The following GPR180 variants were observed in gnomAD, a reference collection of about 807,000 sequenced individuals.
GPR180 encodes the protein G protein-coupled receptor 180.
GPR180 carries 53 observed loss-of-function variants against 52.6 expected under a neutral mutation model. The ratio of observed to expected loss-of-function variants is 1.01; its 90% CI spans 0.81 to 1.27. GPR180 has a LOEUF of 1.27. Among genes scored for constraint, GPR180 ranks in the 50% most tolerant of loss-of-function variants. GPR180 has a pLI of 0.00. For missense variants in GPR180, 533 were observed against 527.0 expected (o/e 1.01, Z -0.11); for synonymous variants, 200 against 193.1 (o/e 1.04, Z -0.30).
chr13:94,612,085 A>G, intron 2 of GPR180, 105 bp from the exon 3 acceptor site: 2 of 834,404 alleles, frequency 2.4e-6, no homozygotes, highest in Non-Finnish European at 3.9e-6. Context: ...TTTCTGAGAC[A>G]ATAAAAATTA....
chr13:94,625,338 A>G (rs573068792), intron 7 of GPR180, among the ~76,000 whole-genome samples: 1 of 152,342 alleles, frequency 6.6e-6, no homozygotes, highest in East Asian at 1.9e-4. Context: ...GTAACATACT[A>G]AACATTTTTC....
chr13:94,630,842 A>C lies in GPR180; in HGVS notation c.*3671A>C, dbSNP rs1889985783. The C allele has an allele frequency of 1.3e-5, 2 of 152,242 alleles. No homozygotes were observed. Among genetic ancestry groups the C allele is most frequent in the Non-Finnish European group, 2.9e-5 (2 of 68,060 alleles). 9.4% of individuals were successfully genotyped at this position (152,242 alleles called of 1,614,324 possible). A position where few individuals can be genotyped will look rare whatever the true frequency, so the allele number is the denominator to read the frequency against. On this transcript the variant is annotated 3_prime_UTR_variant, in exon 9 of 9. Transcript: ENST00000376958. Reference sequence around the variant, plus strand: ...ATATGGTGCAGTTTAGTCAACCTGGAGATAGGTTCTGCAGAATTCTCTTCC... The same window carrying C: ...ATATGGTGCAGTTTAGTCAACCTGGCGATAGGTTCTGCAGAATTCTCTTCC...
At position 94,628,802 on chromosome 13, in the gene GPR180, C is replaced by T. The variant is rs1006207958; in HGVS notation, c.*1631C>T. 2.0e-5 allele frequency: 3 copies of T among 152,018 alleles called. No homozygotes were observed. The highest frequency in any genetic ancestry group is 7.2e-5 in the African/African-American group (3 of 41,500). The allele number at this position is 152,018 out of a possible 1,614,324, so 9.4% of individuals were successfully genotyped here. On this transcript the variant is annotated 3_prime_UTR_variant, in exon 9 of 9. Coordinates refer to ENST00000376958, the MANE Select transcript of GPR180 (RefSeq NM_180989.6). ...CATAACCTTTTCTTTTATCATGTCT[C>T]GCTAATAACCCCAGCTATTGTCTGT...
chr13:94,612,559 T>TAAGG (rs1420430126), intron 3 of GPR180, among the ~76,000 whole-genome samples, 169 bp downstream of exon 3: 1 of 152,240 alleles, frequency 6.6e-6, no homozygotes, highest in Non-Finnish European at 1.5e-5. Context: ...TATTAATTTT[T>TAAGG]AAAAGCAGAG....
At position 94,626,920 on chromosome 13, in the gene GPR180, T is replaced by G. The variant is rs1889935858; in HGVS notation, c.1165-93T>G. 8 of 951,338 alleles carry G rather than the reference T, an allele frequency of 8.4e-6. No homozygotes were observed. In the East Asian group the frequency reaches 2.0e-4, roughly 24 times the overall value. The allele number at this position is 951,338 out of a possible 1,614,324, so 58.9% of individuals were successfully genotyped here. On this transcript the variant is annotated intron_variant, in intron 8 of 8. Transcript: ENST00000376958. ...AAAGATGAAAGATAGAGTATTGTAT[T>G]TATATAAAAAGCATATATAGATTCA...
At chr13:94,623,671 CCTT>C (rs963047819) in intron 7 of GPR180, among the ~76,000 whole-genome samples, 3 of 150,562 alleles carry the variant, frequency 2.0e-5, no homozygotes, top group African/African-American at 7.3e-5. Context: ...CAGGGCGAGA[CCTT>C]CTTTTTTTCA....
chr13:94,614,898 G>T (rs1889758028), intron 3 of GPR180, among the ~76,000 whole-genome samples: 1 of 152,208 alleles, frequency 6.6e-6, no homozygotes, highest in African/African-American at 2.4e-5. Context: ...AGTGCCAGAA[G>T]TATCCAAAAG....
At chr13:94,608,259 G>A (rs548387988) in intron 2 of GPR180, among the ~76,000 whole-genome samples, 2 of 152,118 alleles carry the variant, frequency 1.3e-5, no homozygotes, top group African/African-American at 2.4e-5. Context: ...AGTTGGACTA[G>A]GTGTCCCTAA....
Position 94,623,002 on chromosome 13 carries a change from G to A in GPR180, c.895-107G>A, listed in dbSNP as rs1233791901. On this transcript the variant is annotated intron_variant, in intron 6 of 8. Transcript: ENST00000376958. ...AATTAACAACCTCTATGGTCTGATA[G>A]GAATGTTTATATAACATTTAAAGGG... 9 of 748,590 alleles carry A rather than the reference G, an allele frequency of 1.2e-5. No individual in the cohort carries two copies. The East Asian group carries it at 1.6e-4, about 13-fold the overall frequency. 46.4% of individuals were successfully genotyped at this position (748,590 alleles called of 1,614,324 possible).
chr13:94,612,770 C>T (rs540790335), intron 3 of GPR180, among the ~76,000 whole-genome samples: 11 of 152,222 alleles, frequency 7.2e-5, no homozygotes, highest in African/African-American at 2.6e-4. Context: ...GATAACCTTG[C>T]ATTATTTTTA....
At chr13:94,611,973 G>C (rs558507517) in intron 2 of GPR180, among the ~76,000 whole-genome samples, 1 of 151,372 alleles carries the variant, frequency 6.6e-6, no homozygotes, top group East Asian at 1.9e-4. Flanking sequence ...GTGATTCCTT[G>C]GTTAAAAACA....
At chr13:94,615,775 C>G (rs1233424860) in intron 3 of GPR180, among the ~76,000 whole-genome samples, 1 of 152,222 alleles carries the variant, frequency 6.6e-6, no homozygotes, top group Non-Finnish European at 1.5e-5. Flanking sequence ...CATCTGCCAT[C>G]TCACTGTTTT....
At chr13:94,624,833 C>T (rs1343283841) in intron 7 of GPR180, among the ~76,000 whole-genome samples, 3 of 151,992 alleles carry the variant, frequency 2.0e-5, no homozygotes, top group Non-Finnish European at 2.9e-5. Flanking sequence ...TGAGCCACCG[C>T]ACCCAGCCTT....
intron 5 of GPR180, 57 bp downstream of exon 5, chr13:94,619,574 T>A (rs1889826523): frequency 7.2e-7 from 1 of 1,380,588 alleles, no homozygotes; most frequent in Non-Finnish European, 1.0e-6. Flanking sequence ...TCTGCTTTTT[T>A]TTTATTTCTT....
rs2138571474 is a variant in GPR180 at position 94,626,913 on chromosome 13, A to G, written c.1165-100A>G. ...CTATGGTAAAGATGAAAGATAGAGT[A>G]TTGTATTTATATAAAAAGCATATAT... On this transcript the variant is annotated intron_variant, in intron 8 of 8. Coordinates refer to ENST00000376958, the MANE Select transcript of GPR180 (RefSeq NM_180989.6). 3 of 878,002 alleles carry G rather than the reference A, an allele frequency of 3.4e-6. No individual in the cohort carries two copies. The South Asian group carries it at 7.5e-5, about 22-fold the overall frequency. The allele number at this position is 878,002 out of a possible 1,614,324, so 54.4% of individuals were successfully genotyped here.
At position 94,626,042 on chromosome 13, in the gene GPR180, A is replaced by G. The variant is rs1889924892; in HGVS notation, c.1163A>G (p.Lys388Arg). The G allele has an allele frequency of 1.2e-6, 2 of 1,603,220 alleles. No individual in the cohort carries two copies. The highest frequency in any genetic ancestry group is 2.2e-5 in the South Asian group (2 of 90,708). ...ATTTTTAGCGACTACCAAAGAGACA[A>G]GGTAAGAAATATACATGATCAAAGT... ...SVIFSDYQRD[K>R]VITIGVILCQ... Residue 388 changes from lysine to arginine, a missense_variant and splice_region_variant, in exon 8 of 9, where the codon AAG (lysine) becomes AGG (arginine). Physicochemically the swap from Lys to Arg is conservative, Grantham distance 26 (BLOSUM62 2). Transcript: ENST00000376958.
At position 94,627,235 on chromosome 13, in the gene GPR180, A is replaced by G; in HGVS notation, c.*64A>G. The G allele has an allele frequency of 2.8e-6, 4 of 1,416,458 alleles. No homozygotes were observed. The highest frequency in any genetic ancestry group is 2.9e-6 in the Non-Finnish European group (3 of 1,026,680). 87.7% of individuals were successfully genotyped at this position (1,416,458 alleles called of 1,614,324 possible). A position where few individuals can be genotyped will look rare whatever the true frequency, so the allele number is the denominator to read the frequency against. ...AAGAGTGCAATAAGGATCCAAATAC[A>G]GTGACTTTTTTTTCATACATTTAGT... On this transcript the variant is annotated 3_prime_UTR_variant, in exon 9 of 9. Coordinates refer to ENST00000376958, the MANE Select transcript of GPR180 (RefSeq NM_180989.6).
At position 94,634,215 on chromosome 13, in the gene GPR180, A is replaced by T. The variant is rs1348224482; in HGVS notation, c.*7044A>T. 1 of 152,158 alleles carries T rather than the reference A, an allele frequency of 6.6e-6. No homozygotes were observed. The highest frequency in any genetic ancestry group is 1.9e-4 in the East Asian group (1 of 5,196). The allele number at this position is 152,158 out of a possible 1,614,324, so 9.4% of individuals were successfully genotyped here. On this transcript the variant is annotated 3_prime_UTR_variant, in exon 9 of 9. Transcript: ENST00000376958. The stretch of plus-strand genomic sequence containing the variant: ...TCTTAGTGGAATGAATTAAATTTCC[A>T]TAGCAATTTAGGGAAATTTGACTTT...
intron 1 of GPR180, among the ~76,000 whole-genome samples, chr13:94,604,898 G>A (rs141643823): frequency 3.9e-5 from 6 of 152,222 alleles, no homozygotes; most frequent in South Asian, 2.1e-4. Flanking sequence ...TGTAAAAGTC[G>A]TAGATACCAA....
Sources: allele counts gnomAD v4.1 joint callset (sites outside exome capture counted in the v4.1 genomes callset), GRCh38; gene constraint gnomAD v4.1.1; transcripts MANE v1.5; gene names NCBI Gene and HGNC (gene_info 2026-07-23, HGNC 2026-07-21).